Variants in ZNF609 observed in about 807,000 individuals in gnomAD.
The protein encoded by ZNF609 is zinc finger protein 609.
A neutral mutation model predicts 109.5 loss-of-function variants in ZNF609; 11 were observed. That is an observed-to-expected ratio of 0.10 (90% confidence interval 0.06 to 0.17). The LOEUF is 0.17. ZNF609 is among the 10% of genes least tolerant of loss of function. The probability of loss-of-function intolerance (pLI) is 1.00; values close to 1 mark genes in which losing one functional copy is unlikely to be tolerated. For synonymous variants in ZNF609, 646 were observed against 662.0 expected, an observed-to-expected ratio of 0.98 and a Z score of 0.37; for missense variants, 1,559 against 1,772.4, an observed-to-expected ratio of 0.88 and a Z score of 2.16.
rs899954755 is a variant in ZNF609 at position 64,594,183 on chromosome 15, G to A, written c.748-28644G>A. Among the ~76,000 whole-genome samples, 49 of 152,342 alleles carry A rather than the reference G, an allele frequency of 3.2e-4. 1 individual carries two copies. Among genetic ancestry groups the A allele is most frequent in the African/African-American group, 1.0e-3 (43 of 41,576 alleles). The stretch of plus-strand genomic sequence containing the variant: ...GGCACTGTGATTGTTATCTTACTAG[G>A]AACACGTGGAGTGGGAGTAAGGCAG... On this transcript the variant is annotated intron_variant, in intron 2 of 9. Transcript: ENST00000326648.
At chr15:64,583,259 C>T (rs1282195675) in intron 2 of ZNF609, among the ~76,000 whole-genome samples, 2 of 151,270 alleles carry the variant, frequency 1.3e-5, no homozygotes, top group African/African-American at 2.4e-5. Context: ...AGGAGAATGG[C>T]GTGAACCCAG....
chr15:64,556,929 C>A (rs371679387), intron 2 of ZNF609, among the ~76,000 whole-genome samples: 1 of 152,156 alleles, frequency 6.6e-6, no homozygotes, highest in African/African-American at 2.4e-5. Context: ...ATACAATGAA[C>A]TTTTCAACAT....
chr15:64,651,893 C>T (rs1262824823), intron 3 of ZNF609, among the ~76,000 whole-genome samples: 2 of 152,198 alleles, frequency 1.3e-5, no homozygotes, highest in Non-Finnish European at 2.9e-5. Flanking sequence ...TTTCTATTCA[C>T]GTGTTATGTA....
intron 3 of ZNF609, 85 bp downstream of exon 3, chr15:64,623,137 C>A: frequency 7.3e-7 from 1 of 1,369,068 alleles, no homozygotes; most frequent in Non-Finnish European, 1.0e-6. Context: ...TAAATATTAC[C>A]AAGTGGTTAT....
chr15:64,564,688 A>C (rs1442076596), intron 2 of ZNF609, among the ~76,000 whole-genome samples: 2 of 151,952 alleles, frequency 1.3e-5, no homozygotes, highest in Non-Finnish European at 1.5e-5. Flanking sequence ...GAGAAGTATA[A>C]CCTATTTCAG....
chr15:64,524,747 C>T (rs1349221233), intron 2 of ZNF609, among the ~76,000 whole-genome samples: 1 of 152,062 alleles, frequency 6.6e-6, no homozygotes, highest in Non-Finnish European at 1.5e-5. Flanking sequence ...CTTATTTTGA[C>T]TGTTAATGGA....
At chr15:64,680,974 T>A in intron 8 of ZNF609, 112 bp downstream of exon 8, 1 of 1,211,676 alleles carries the variant, frequency 8.3e-7, no homozygotes, top group East Asian at 2.5e-5. Context: ...ATAAGAATCC[T>A]TTTTTAATTT....
chr15:64,542,935 G>A (rs1233075795), intron 2 of ZNF609, among the ~76,000 whole-genome samples: 14 of 152,048 alleles, frequency 9.2e-5, no homozygotes, highest in South Asian at 6.3e-4. Flanking sequence ...TTAAATTCCA[G>A]TTCCAGTGAG....
intron 2 of ZNF609, among the ~76,000 whole-genome samples, chr15:64,526,480 A>G (rs776612737): frequency 3.9e-5 from 6 of 152,162 alleles, no homozygotes; most frequent in Admixed American, 1.3e-4. Flanking sequence ...CCTCCAGTAC[A>G]ATGTTGAATA....
In ZNF609 at chr15:64,479,283, GATTTTTTT is replaced by G. The variant is rs1350379814; in HGVS notation, c.-128+18446_-128+18453del. ...CAAAACCTATATATTGTACCTGTGT[GATTTTTTT>G]TTTTTTTTTTTTTTTTTTGAGACAG... On this transcript the variant is annotated intron_variant, in intron 1 of 9. Transcript: ENST00000326648. Among the ~76,000 whole-genome samples the G allele has an allele frequency of 2.0e-4, 13 of 64,394 alleles. No homozygotes were observed. The South Asian group carries it at 4.7e-3, about 23-fold the overall frequency. The allele number at this position is 64,394 out of a possible 152,430, so 42.2% of individuals were successfully genotyped here.
At chr15:64,558,099 A>G (rs1894619935) in intron 2 of ZNF609, among the ~76,000 whole-genome samples, 1 of 152,174 alleles carries the variant, frequency 6.6e-6, no homozygotes, top group Non-Finnish European at 1.5e-5. Context: ...TCAAGGTGTA[A>G]GTAGCCCCAG....
intron 2 of ZNF609, among the ~76,000 whole-genome samples, chr15:64,563,338 TC>T (rs35942552): frequency 1 from 151,024 of 151,026 alleles, 75,511 homozygotes; most frequent in Middle Eastern, 1. Context: ...TAGTCCCAGC[TC>T]CCTCGGGAGG....
At chr15:64,477,295 C>A (rs111502451) in intron 1 of ZNF609, among the ~76,000 whole-genome samples, 7,310 of 151,904 alleles carry the variant, frequency 0.048, 235 homozygotes, top group South Asian at 0.086. Context: ...CGCCTGCCCC[C>A]ACACCCAGCT....
At chr15:64,528,423 GTTTT>G (rs1296355685) in intron 2 of ZNF609, among the ~76,000 whole-genome samples, 1 of 150,774 alleles carries the variant, frequency 6.6e-6, no homozygotes, top group South Asian at 2.1e-4. Flanking sequence ...TTTTTTGTGG[GTTTT>G]TTTATTGTTT....
intron 1 of ZNF609, among the ~76,000 whole-genome samples, chr15:64,497,787 A>G (rs1893502544): frequency 2.7e-5 from 4 of 150,808 alleles, no homozygotes; most frequent in East Asian, 2.0e-4. Flanking sequence ...TGTAATCCCA[A>G]CCTCTTGGGA....
intron 2 of ZNF609, among the ~76,000 whole-genome samples, chr15:64,531,611 C>A (rs151054286): frequency 6.6e-6 from 1 of 151,964 alleles, no homozygotes; most frequent in Non-Finnish European, 1.5e-5. Flanking sequence ...GTTGCCCAGG[C>A]GGGTCTTGAA....
chr15:64,544,730 C>T (rs1250380398), intron 2 of ZNF609, among the ~76,000 whole-genome samples: 3 of 152,214 alleles, frequency 2.0e-5, no homozygotes, highest in African/African-American at 7.2e-5. Context: ...CATCCCTTCT[C>T]TTAACTCCTC....
At chr15:64,611,881 C>T (rs1202527065) in intron 2 of ZNF609, among the ~76,000 whole-genome samples, 8 of 151,538 alleles carry the variant, frequency 5.3e-5, no homozygotes, top group Admixed American at 2.6e-4. Flanking sequence ...TACAGGCTCC[C>T]GCCACCATGC....
At chr15:64,645,784 T>C (rs1896326457) in intron 3 of ZNF609, among the ~76,000 whole-genome samples, 1 of 152,136 alleles carries the variant, frequency 6.6e-6, no homozygotes, top group Admixed American at 6.6e-5. Flanking sequence ...GAAAAGATGC[T>C]CAGAATCATT....
Sources: gnomAD v4.1 joint callset for allele counts (sites outside exome capture counted in the v4.1 genomes callset) on GRCh38, gnomAD v4.1.1 for gene constraint, MANE v1.5 for transcripts, NCBI Gene and HGNC (gene_info 2026-07-23, HGNC 2026-07-21) for gene names.